Variants in ATP2B1 observed in about 807,000 individuals in gnomAD.
ATP2B1 encodes plasma membrane calcium-transporting ATPase 1.
In ATP2B1, 14 loss-of-function variants were observed where a neutral mutation model predicts 124.2. The ratio of observed to expected loss-of-function variants is 0.11; its 90% CI spans 0.07 to 0.18. The LOEUF (loss-of-function observed/expected upper bound fraction) is 0.18. ATP2B1 is among the 10% of genes least tolerant of loss of function. ATP2B1 has a pLI of 1.00. For synonymous variants in ATP2B1, 449 were observed against 492.4 expected (o/e 0.91, Z 1.17); for missense variants, 763 against 1,466.1 (o/e 0.52, Z 7.83).
intron 1 of ATP2B1, among the ~76,000 whole-genome samples, chr12:89,671,711 G>A (rs1321413914): frequency 6.6e-6 from 1 of 150,828 alleles, no homozygotes; most frequent in Non-Finnish European, 1.5e-5. Flanking sequence ...TTTCCCATGT[G>A]GTAAATCTAC....
intron 2 of ATP2B1, among the ~76,000 whole-genome samples, chr12:89,650,919 A>G (rs1287994342): frequency 2.0e-5 from 3 of 152,238 alleles, no homozygotes; most frequent in Non-Finnish European, 4.4e-5. Flanking sequence ...GAAGAAAAAA[A>G]AACTGTGAAG....
At chr12:89,671,726 A>G (rs1888008502) in intron 1 of ATP2B1, among the ~76,000 whole-genome samples, 1 of 151,440 alleles carries the variant, frequency 6.6e-6, no homozygotes, top group African/African-American at 2.4e-5. Context: ...ATCTACAGGG[A>G]AGAGAATGTG....
chr12:89,593,646 A>C (rs1874021390), intron 20 of ATP2B1: 1 of 152,024 alleles, frequency 6.6e-6, no homozygotes. Context: ...TGAAGCTCTA[A>C]GAGGGGCAGA....
intron 2 of ATP2B1, among the ~76,000 whole-genome samples, chr12:89,645,119 T>C (rs907098006): frequency 6.6e-6 from 1 of 151,992 alleles, no homozygotes; most frequent in Admixed American, 6.6e-5. Flanking sequence ...GGGAGGGCAC[T>C]AATATCAGTT....
At chr12:89,597,460 C>G (rs1234663760) in intron 20 of ATP2B1, among the ~76,000 whole-genome samples, 4 of 152,114 alleles carry the variant, frequency 2.6e-5, no homozygotes, top group African/African-American at 9.7e-5. Context: ...AAAACAGGGA[C>G]AGTTCTTACT....
Position 89,649,594 on chromosome 12 carries a change from T to G in ATP2B1, c.208+6085A>C, listed in dbSNP as rs866392636. Among the ~76,000 whole-genome samples the G allele has an allele frequency of 1.1e-4, 16 of 152,328 alleles. No individual in the cohort carries two copies. In the Middle Eastern group the frequency reaches 0.01, roughly 97 times the overall value. On this transcript the variant is annotated intron_variant, in intron 2 of 20. Transcript: ENST00000428670. ...AAGGAACTCATCTCCAGATGAGATT[T>G]TGGACTTTGAACTTTTGAATTAATA...
intron 1 of ATP2B1, among the ~76,000 whole-genome samples, chr12:89,705,285 C>T (rs1892322755): frequency 6.6e-6 from 1 of 152,050 alleles, no homozygotes; most frequent in Non-Finnish European, 1.5e-5. Flanking sequence ...ACTATTAGTA[C>T]CTTTATTACA....
Position 89,655,890 on chromosome 12 carries a change from A to G in ATP2B1, c.-4T>C. On this transcript the variant is annotated 5_prime_UTR_variant, in exon 2 of 21. Transcript: ENST00000428670. ...AGTTGTTTGCCATGTCGCCCATTAC[A>G]AGTATAATATATCAGAAGGAAAATG... 1 of 1,579,394 alleles carries G rather than the reference A, an allele frequency of 6.3e-7. No individual in the cohort carries two copies. Among genetic ancestry groups the G allele is most frequent in the Non-Finnish European group, 8.6e-7 (1 of 1,161,012 alleles).
intron 1 of ATP2B1, among the ~76,000 whole-genome samples, chr12:89,690,886 G>T (rs943246364): frequency 3.3e-5 from 5 of 152,044 alleles, no homozygotes; most frequent in Admixed American, 2.6e-4. Context: ...TGGCTTTTTT[G>T]CAGTCAATAT....
At chr12:89,598,171 T>G (rs560714649) in intron 20 of ATP2B1, among the ~76,000 whole-genome samples, 17 of 151,846 alleles carry the variant, frequency 1.1e-4, no homozygotes, top group Non-Finnish European at 2.4e-4. Context: ...AAAGTCAAAA[T>G]GCTAAATTTA....
chr12:89,598,039 C>CAAAGAAAA (rs1875009698), intron 20 of ATP2B1, among the ~76,000 whole-genome samples: 1 of 60,522 alleles, frequency 1.7e-5, no homozygotes, highest in Non-Finnish European at 2.8e-5. Context: ...CACAACCAAG[C>CAAAGAAAA]AAAAAAAAAA....
At chr12:89,657,101 T>A (rs1233478361) in intron 1 of ATP2B1, among the ~76,000 whole-genome samples, 2 of 152,216 alleles carry the variant, frequency 1.3e-5, no homozygotes, top group African/African-American at 2.4e-5. Flanking sequence ...AATGGACTCA[T>A]CTCATTCACT....
Position 89,624,219 on chromosome 12 carries a change from T to C in ATP2B1, c.1308A>G (p.Pro436=). 6.2e-7 allele frequency: 1 copy of C among 1,614,162 alleles called. No individual in the cohort carries two copies. Among genetic ancestry groups the C allele is most frequent in the East Asian group, 2.2e-5 (1 of 44,866 alleles). The change falls in exon 9 of 21, where the codon CCA becomes CCG. Residue 436 remains proline (P), a synonymous_variant. Transcript: ENST00000428670. The stretch of plus-strand genomic sequence containing the variant: ...AAGCCAGTGAGATCGTGACTGCAAG[T>C]GGAAGACCTTCTGGCACTGCGACCA... ...VLVVAVPEGL[P]LAVTISLAYS...
intron 3 of ATP2B1, among the ~76,000 whole-genome samples, chr12:89,635,604 G>A (rs992613159): frequency 6.6e-6 from 1 of 152,136 alleles, no homozygotes; most frequent in Non-Finnish European, 1.5e-5. Context: ...GTTATTGTGA[G>A]GATTAAATGT....
At position 89,685,294 on chromosome 12, in the gene ATP2B1, C is replaced by G. The variant is rs181790511; in HGVS notation, c.-222+23302G>C. Among the ~76,000 whole-genome samples, 193 of 152,236 alleles carry G rather than the reference C, an allele frequency of 1.3e-3. 1 individual carries two copies. The highest frequency in any genetic ancestry group is 4.5e-3 in the African/African-American group (186 of 41,534). ...CTCCAATCAAAGGATCTCTTCAACT[C>G]ACTGAATTGGGAAACGTAACTATGG... On this transcript the variant is annotated intron_variant, in intron 1 of 20. Transcript: ENST00000428670.
intron 10 of ATP2B1, among the ~76,000 whole-genome samples, chr12:89,620,984 A>G (rs1391219258): frequency 6.6e-6 from 1 of 152,190 alleles, no homozygotes; most frequent in Non-Finnish European, 1.5e-5. Context: ...TAAGTCAAAC[A>G]TAACATCGCA....
intron 3 of ATP2B1, among the ~76,000 whole-genome samples, chr12:89,637,415 A>ATT (rs1394729255): frequency 6.1e-4 from 12 of 19,826 alleles, no homozygotes; most frequent in Middle Eastern, 0.031. Flanking sequence ...ATTAAATTTT[A>ATT]ATTTTTTCTT....
At chr12:89,669,569 C>G (rs1015961409) in intron 1 of ATP2B1, among the ~76,000 whole-genome samples, 1 of 152,116 alleles carries the variant, frequency 6.6e-6, no homozygotes, top group Non-Finnish European at 1.5e-5. Flanking sequence ...GATATCACCT[C>G]CATCTCATAA....
In ATP2B1 at chr12:89,645,572, T is replaced by A. The variant is rs550831797; in HGVS notation, c.209-3217A>T. Among the ~76,000 whole-genome samples, 7 of 152,300 alleles carry A rather than the reference T, an allele frequency of 4.6e-5. No individual in the cohort carries two copies. The South Asian group carries it at 1.5e-3, about 32-fold the overall frequency. ...TTCTAAGGAGCTAACATTTGGCTTC[T>A]GTCTGAACTTCCAGGGGTCAAGGGT... On this transcript the variant is annotated intron_variant, in intron 2 of 20. Coordinates refer to ENST00000428670, the MANE Select transcript of ATP2B1 (RefSeq NM_001366521.1).
Sources: allele counts gnomAD v4.1 joint callset (sites outside exome capture counted in the v4.1 genomes callset), GRCh38; gene constraint gnomAD v4.1.1; transcripts MANE v1.5; gene names NCBI Gene and HGNC (gene_info 2026-07-23, HGNC 2026-07-21).